Variants in GUCY2C observed in about 807,000 individuals in gnomAD.
GUCY2C encodes guanylate cyclase 2C, also known as guanylyl cyclase C.
GUCY2C carries 118 observed loss-of-function variants against 131.1 expected under a neutral mutation model. The ratio of observed to expected loss-of-function variants is 0.90; its 90% CI spans 0.78 to 1.05. The LOEUF is 1.05. Among genes scored for constraint, GUCY2C ranks in the 50% least tolerant of loss-of-function variants. GUCY2C has a pLI of 0.00. For missense variants in GUCY2C, 1,161 were observed against 1,304.4 expected (o/e 0.89, Z 1.69); for synonymous variants, 452 against 457.8 (o/e 0.99, Z 0.16).
intron 19 of GUCY2C, among the ~76,000 whole-genome samples, chr12:14,633,784 C>T (rs928921363): frequency 2.0e-5 from 3 of 151,690 alleles, no homozygotes; most frequent in Non-Finnish European, 4.4e-5. Flanking sequence ...TATTGGAAAG[C>T]TTCAACAATA....
intron 3 of GUCY2C, among the ~76,000 whole-genome samples, chr12:14,684,866 AG>A (rs1948441561): frequency 6.6e-6 from 1 of 151,846 alleles, no homozygotes; most frequent in African/African-American, 2.4e-5. Context: ...TCTGGAGAGC[AG>A]AGTCTCACTA....
rs775938690 is a variant in GUCY2C at position 14,674,635 on chromosome 12, G to A, written c.1074C>T (p.Leu358=). 6.2e-7 allele frequency: 1 copy of A among 1,613,554 alleles called. No individual in the cohort carries two copies. The highest frequency in any genetic ancestry group is 8.5e-7 in the Non-Finnish European group (1 of 1,179,704). ...TTAGTAGACCAGTACCTTCAAAAGT[G>A]AGATTCCTGAAAGCATGAGCAAATT... ...TPKFAHAFRN[L]TFEGYDGPVT... Residue 358 remains leucine (L), a synonymous_variant, in exon 8 of 27, where the codon CTC becomes CTT. Transcript: ENST00000261170.
intron 12 of GUCY2C, among the ~76,000 whole-genome samples, chr12:14,654,413 A>G (rs530312484): frequency 6.6e-6 from 1 of 152,256 alleles, no homozygotes; most frequent in South Asian, 2.1e-4. Context: ...CTCTCTGTAC[A>G]GCCAATTTCT....
rs1474362848 is a variant in GUCY2C, at chr12:14,656,372, G to C, written c.1470+140C>G. 5.0e-6 allele frequency: 3 copies of C among 603,324 alleles called. No individual in the cohort carries two copies. The East Asian group carries it at 7.7e-5, about 15-fold the overall frequency. The allele number at this position is 603,324 out of a possible 1,614,324, so 37.4% of individuals were successfully genotyped here. ...AATGGAGAATCAAGGGGAAGGGAGA[G>C]AGCTGAAAATTAGAAAGCATCTAAG... is the stretch of plus-strand genomic sequence containing the variant. On this transcript the variant is annotated intron_variant, in intron 12 of 26. Coordinates refer to ENST00000261170, the MANE Select transcript of GUCY2C (RefSeq NM_004963.4).
At chr12:14,683,397 A>G in intron 3 of GUCY2C, 140 bp from the exon 4 acceptor site, 7 of 619,214 alleles carry the variant, frequency 1.1e-5, no homozygotes, top group South Asian at 1.0e-4. Flanking sequence ...TTTCTCATGT[A>G]TATAGGTGTC....
At chr12:14,653,976 A>T (rs1309536719) in intron 12 of GUCY2C, among the ~76,000 whole-genome samples, 1 of 152,150 alleles carries the variant, frequency 6.6e-6, no homozygotes, top group East Asian at 1.9e-4. Context: ...ATTATTTCAG[A>T]CCTTGATGAC....
At chr12:14,655,031 A>T (rs1285297487) in intron 12 of GUCY2C, among the ~76,000 whole-genome samples, 1 of 152,200 alleles carries the variant, frequency 6.6e-6, no homozygotes, top group Non-Finnish European at 1.5e-5. Context: ...GCCCAAATAA[A>T]GCAAATGCCT....
chr12:14,627,319 G>A (rs1006173458), intron 20 of GUCY2C, among the ~76,000 whole-genome samples: 7 of 152,258 alleles, frequency 4.6e-5, no homozygotes, highest in African/African-American at 1.4e-4. Flanking sequence ...TGCCCTACCC[G>A]AGACCTATGT....
At chr12:14,683,550 G>A (rs950584373) in intron 3 of GUCY2C, among the ~76,000 whole-genome samples, 1 of 152,140 alleles carries the variant, frequency 6.6e-6, no homozygotes, top group African/African-American at 2.4e-5. Flanking sequence ...TGGGATACAG[G>A]GGAAGTCGGG....
intron 1 of GUCY2C, among the ~76,000 whole-genome samples, chr12:14,694,718 G>C (rs1358942323): frequency 6.6e-6 from 1 of 152,170 alleles, no homozygotes; most frequent in Non-Finnish European, 1.5e-5. Context: ...TGTGTGCACA[G>C]AAGTAACTTA....
chr12:14,649,804 A>T (rs1592111352), intron 15 of GUCY2C, among the ~76,000 whole-genome samples: 1 of 152,292 alleles, frequency 6.6e-6, no homozygotes, highest in Non-Finnish European at 1.5e-5. Flanking sequence ...AATTTCAATG[A>T]GACAGAAATT....
intron 4 of GUCY2C, 52 bp downstream of exon 4, chr12:14,682,990 T>A: frequency 7.9e-7 from 1 of 1,273,008 alleles, no homozygotes. Flanking sequence ...TGCATGATCC[T>A]ATGGCTTCTC....
intron 23 of GUCY2C, among the ~76,000 whole-genome samples, chr12:14,620,404 C>T (rs1256424278): frequency 6.6e-6 from 1 of 152,128 alleles, no homozygotes; most frequent in Admixed American, 6.6e-5. Context: ...AAACATTGCC[C>T]GCCCACCTTG....
intron 20 of GUCY2C, among the ~76,000 whole-genome samples, chr12:14,626,754 AAGTC>A (rs1401902276): frequency 1.3e-5 from 2 of 152,212 alleles, no homozygotes; most frequent in African/African-American, 2.4e-5. Flanking sequence ...TTAAGCGAAA[AAGTC>A]AGTTTATAAA....
chr12:14,646,581 AT>A (rs1180102009), intron 15 of GUCY2C, among the ~76,000 whole-genome samples: 1 of 152,238 alleles, frequency 6.6e-6, no homozygotes, highest in Non-Finnish European at 1.5e-5. Flanking sequence ...ATTGCACAAT[AT>A]AAAAAAGAAG....
intron 5 of GUCY2C, among the ~76,000 whole-genome samples, chr12:14,680,975 G>A (rs1948336626): frequency 6.6e-6 from 1 of 152,052 alleles, no homozygotes; most frequent in Admixed American, 6.6e-5. Context: ...GTCACCAGGA[G>A]GACTGGGGCT....
At chr12:14,638,580 T>A (rs886776492) in intron 19 of GUCY2C, among the ~76,000 whole-genome samples, 4 of 152,162 alleles carry the variant, frequency 2.6e-5, no homozygotes, top group African/African-American at 7.2e-5. Flanking sequence ...CATATGGAAC[T>A]GGAGGTCACT....
intron 25 of GUCY2C, among the ~76,000 whole-genome samples, chr12:14,615,532 T>C (rs563777559): frequency 6.6e-6 from 1 of 151,584 alleles, no homozygotes; most frequent in South Asian, 2.1e-4. Flanking sequence ...AGATACAAAA[T>C]ACATATGGCC....
intron 19 of GUCY2C, among the ~76,000 whole-genome samples, chr12:14,635,984 A>G (rs1436420498): frequency 1.3e-5 from 2 of 152,218 alleles, no homozygotes; most frequent in African/African-American, 2.4e-5. Flanking sequence ...CCAACAAAGA[A>G]AAGTCCAGAA....
Sources: allele counts gnomAD v4.1 joint callset (sites outside exome capture counted in the v4.1 genomes callset), GRCh38; gene constraint gnomAD v4.1.1; transcripts MANE v1.5; gene names NCBI Gene and HGNC (gene_info 2026-07-23, HGNC 2026-07-21).